MAFB: variants seen among roughly 807,000 people sequenced by gnomAD.
The protein encoded by MAFB is transcription factor MafB.
MAFB carries 3 observed loss-of-function variants against 17.7 expected under a neutral mutation model. The observed-to-expected ratio is 0.17, with a 90% confidence interval of 0.08 to 0.44. MAFB has a LOEUF of 0.44. Ranked by LOEUF, MAFB falls within the 20% of genes least tolerant of loss-of-function variation. MAFB has a pLI of 0.99. For synonymous variants in MAFB, 214 were observed against 211.5 expected, an observed-to-expected ratio of 1.01 and a Z score of -0.10; for missense variants, 355 against 461.3, an observed-to-expected ratio of 0.77 and a Z score of 2.11.
chr20:40,688,926 G>C lies in MAFB; in HGVS notation c.-76C>G, dbSNP rs1046996071. ...GCCGGAGCGCGCCGAGCCAAGCGCG[G>C]GGGGGAAGAGCGGAGAAGAGCTGGG... On this transcript the variant is annotated 5_prime_UTR_variant, in exon 1 of 1. Coordinates refer to ENST00000373313, the MANE Select transcript of MAFB (RefSeq NM_005461.5). The C allele has an allele frequency of 3.9e-5, 58 of 1,504,780 alleles. No individual in the cohort carries two copies. Among genetic ancestry groups the C allele is most frequent in the South Asian group, 5.3e-5 (4 of 74,954 alleles). 93.2% of individuals were successfully genotyped at this position (1,504,780 alleles called of 1,614,324 possible). A position where few individuals can be genotyped will look rare whatever the true frequency, so the allele number is the denominator to read the frequency against.
chr20:40,687,617 A>G lies in MAFB; in HGVS notation c.*262T>C. The G allele has an allele frequency of 1.7e-6, 1 of 578,394 alleles. No individual in the cohort carries two copies. The highest frequency in any genetic ancestry group is 2.8e-5 in the East Asian group (1 of 35,222). 35.8% of individuals were successfully genotyped at this position (578,394 alleles called of 1,614,324 possible). On this transcript the variant is annotated 3_prime_UTR_variant, in exon 1 of 1. Transcript: ENST00000373313. ...GAGAGAAGTTACTCCGGGACCTCCC[A>G]CCCTCTCGTCTCTCTCTCCGGCTCT...
In MAFB at chr20:40,687,924, C is replaced by A. The variant is rs775694411; in HGVS notation, c.927G>T (p.Ala309=). 2 of 1,613,104 alleles carry A rather than the reference C, an allele frequency of 1.2e-6. No individual in the cohort carries two copies. The highest frequency in any genetic ancestry group is 1.7e-6 in the Non-Finnish European group (2 of 1,180,036). ...EKLANSGFRE[A]GSTSDSPSSP... ...AGGAGGGGCTGTCGCTGGTGGAGCC[C>A]GCCTCCCTGAAGCCGGAGTTGGCGA... The change falls in exon 1 of 1, where the codon GCG becomes GCT. Residue 309 remains alanine, a synonymous_variant. Coordinates refer to ENST00000373313, the MANE Select transcript of MAFB (RefSeq NM_005461.5).
Position 40,686,943 on chromosome 20 carries a change from CTT to C in MAFB, c.*934_*935del. 1 of 379,050 alleles carries C rather than the reference CTT, an allele frequency of 2.6e-6. No homozygotes were observed. The highest frequency in any genetic ancestry group is 4.5e-6 in the Non-Finnish European group (1 of 224,458). The allele number at this position is 379,050 out of a possible 1,614,324, so 23.5% of individuals were successfully genotyped here. ...GTTTTCTGATGCAAAATGCCCGGAACTTTTTCTTTTTTTTTTTCTTTTTAACT... is the reference window on the plus strand; with the variant it reads ...GTTTTCTGATGCAAAATGCCCGGAACTTTCTTTTTTTTTTTCTTTTTAACT... On this transcript the variant is annotated 3_prime_UTR_variant, in exon 1 of 1. Coordinates refer to ENST00000373313, the MANE Select transcript of MAFB (RefSeq NM_005461.5).
At position 40,686,319 on chromosome 20, in the gene MAFB, A is replaced by G. The variant is rs181611900; in HGVS notation, c.*1560T>C. 3.4e-5 allele frequency: 8 copies of G among 237,978 alleles called. No individual in the cohort carries two copies. In the Admixed American group the frequency reaches 3.9e-4, roughly 12 times the overall value. 14.7% of individuals were successfully genotyped at this position (237,978 alleles called of 1,614,324 possible). On this transcript the variant is annotated 3_prime_UTR_variant, in exon 1 of 1. Transcript: ENST00000373313. ...AAAGTAATAATAAAGAAAAACACCC[A>G]TATCTTCCCTATAACTACTATACAA... is the stretch of plus-strand genomic sequence containing the variant.
In MAFB at chr20:40,688,309, T is replaced by A. The variant is rs776350709; in HGVS notation, c.542A>T (p.Gln181Leu). 111 of 1,518,878 alleles carry A rather than the reference T, an allele frequency of 7.3e-5. 2 individuals carry two copies. The South Asian group carries it at 1.3e-3, about 17-fold the overall frequency. The allele number at this position is 1,518,878 out of a possible 1,614,324, so 94.1% of individuals were successfully genotyped here. ...CCCGGGGTGGCTAGTGGGCAGCTGT[T>A]GCGCCGGGCTAGCGGCGCTGGACGG... ...PPPSSAASPAQQLPTSHPGPG... is the reference protein window; with the variant it reads ...PPPSSAASPALQLPTSHPGPG... Residue 181 changes from glutamine (Q) to leucine (L), a missense_variant, in exon 1 of 1, where the codon CAA becomes CTA. Physicochemically the swap from Gln to Leu is moderately radical, Grantham distance 113. Coordinates refer to ENST00000373313, the MANE Select transcript of MAFB (RefSeq NM_005461.5).
At position 40,686,501 on chromosome 20, in the gene MAFB, G is replaced by A. The variant is rs1444174452; in HGVS notation, c.*1378C>T. The A allele has an allele frequency of 6.9e-5, 27 of 393,278 alleles. No homozygotes were observed. In the East Asian group the frequency reaches 9.4e-4, roughly 14 times the overall value. The allele number at this position is 393,278 out of a possible 1,614,324, so 24.4% of individuals were successfully genotyped here. A position where few individuals can be genotyped will look rare whatever the true frequency, so the allele number is the denominator to read the frequency against. Reference sequence around the variant, plus strand: ...CTGGTACATTCTGAGCATAGCAGTTGGTTCAGTGCAGTGTCTGCTTACCAG... The same window carrying A: ...CTGGTACATTCTGAGCATAGCAGTTAGTTCAGTGCAGTGTCTGCTTACCAG... On this transcript the variant is annotated 3_prime_UTR_variant, in exon 1 of 1. Coordinates refer to ENST00000373313, the MANE Select transcript of MAFB (RefSeq NM_005461.5).
At position 40,688,245 on chromosome 20, in the gene MAFB, G is replaced by T. The variant is rs1168497598; in HGVS notation, c.606C>A (p.Gly202=). Residue 202 remains glycine (G), a synonymous_variant, in exon 1 of 1, where the codon GGC becomes GGA. Transcript: ENST00000373313. The part of the protein sequence containing the change: ...PHATASATAA[G]GNGSVEDRFS... Reference sequence around the variant, plus strand: ...AGCGGTCCTCCACGCTGCCGTTGCCGCCCGCCGCCGTCGCCGAGGCCGTCG... The same window carrying T: ...AGCGGTCCTCCACGCTGCCGTTGCCTCCCGCCGCCGTCGCCGAGGCCGTCG... 1.7e-5 allele frequency: 27 copies of T among 1,555,466 alleles called. No homozygotes were observed. Among genetic ancestry groups the T allele is most frequent in the Non-Finnish European group, 2.2e-5 (26 of 1,157,682 alleles).
At position 40,688,770 on chromosome 20, in the gene MAFB, G is replaced by C. The variant is rs766706300; in HGVS notation, c.81C>G (p.Leu27=). 9.9e-6 allele frequency: 16 copies of C among 1,613,794 alleles called. 1 individual carries two copies. In the East Asian group the frequency reaches 1.3e-4, roughly 13 times the overall value. ...GTGGCTCCTTCTTCACGTCGAACTTGAGCAGGTCGAAGTCGTTGACATACT... is the reference window on the plus strand; with the variant it reads ...GTGGCTCCTTCTTCACGTCGAACTTCAGCAGGTCGAAGTCGTTGACATACT... ...AMEYVNDFDL[L]KFDVKKEPLG... Residue 27 remains leucine, a synonymous_variant, in exon 1 of 1, where the codon CTC becomes CTG. Transcript: ENST00000373313.
chr20:40,688,855 G>C lies in MAFB; in HGVS notation c.-5C>G, dbSNP rs202157976. 4.2e-5 allele frequency: 67 copies of C among 1,584,356 alleles called. No individual in the cohort carries two copies. In the African/African-American group the frequency reaches 7.7e-4, roughly 18 times the overall value. On this transcript the variant is annotated 5_prime_UTR_variant, in exon 1 of 1. Transcript: ENST00000373313. Reference sequence around the variant, plus strand: ...CATGCTCAGCTCCGCGGCCATCGCTGAAGCGAGGCGCAGCCGCCGCTGCCG... The same window carrying C: ...CATGCTCAGCTCCGCGGCCATCGCTCAAGCGAGGCGCAGCCGCCGCTGCCG...
In MAFB at chr20:40,688,045, T is replaced by C. The variant is rs2123043196; in HGVS notation, c.806A>G (p.Glu269Gly). 1 of 1,614,174 alleles carries C rather than the reference T, an allele frequency of 6.2e-7. No homozygotes were observed. Among genetic ancestry groups the C allele is most frequent in the Admixed American group, 1.7e-5 (1 of 60,036 alleles). ...CACCTGCTGAATGAGCTGCGTCTTC[T>C]CATTCTCCAGGTGGTGCTTCTGCTG... ...RVQQKHHLEN[E>G]KTQLIQQVEQ... Residue 269 changes from glutamate to glycine, a missense_variant, in exon 1 of 1, where the codon GAG becomes GGG. This residue lies in a region of MAFB where 7 missense variants were observed against 41.9 expected (regional missense o/e 0.17). Transcript: ENST00000373313.
In MAFB at chr20:40,688,928, G is replaced by C; in HGVS notation, c.-78C>G. The C allele has an allele frequency of 1.3e-6, 2 of 1,500,836 alleles. No individual in the cohort carries two copies. The highest frequency in any genetic ancestry group is 2.3e-5 in the Admixed American group (1 of 43,350). The allele number at this position is 1,500,836 out of a possible 1,614,324, so 93.0% of individuals were successfully genotyped here. A position where few individuals can be genotyped will look rare whatever the true frequency, so the allele number is the denominator to read the frequency against. ...CGGAGCGCGCCGAGCCAAGCGCGGG[G>C]GGGAAGAGCGGAGAAGAGCTGGGGA... On this transcript the variant is annotated 5_prime_UTR_variant, in exon 1 of 1. Coordinates refer to ENST00000373313, the MANE Select transcript of MAFB (RefSeq NM_005461.5).
rs886056673 is a variant in MAFB at position 40,687,815 on chromosome 20, G to A, written c.*64C>T. On this transcript the variant is annotated 3_prime_UTR_variant, in exon 1 of 1. Coordinates refer to ENST00000373313, the MANE Select transcript of MAFB (RefSeq NM_005461.5). The stretch of plus-strand genomic sequence containing the variant: ...AGGGACAGGGTCCGGGGTAGTCTGG[G>A]ACTAGGGACGTGGGACAGGGAGTCC... The A allele has an allele frequency of 1.3e-6, 2 of 1,551,676 alleles. No homozygotes were observed. The highest frequency in any genetic ancestry group is 2.3e-5 in the East Asian group (1 of 44,134).
In MAFB at chr20:40,688,699, G is replaced by A. The variant is rs1986901644; in HGVS notation, c.152C>T (p.Pro51Leu). ...CGGTGTGGAGGACACCGAGCCGGCT[G>A]GCTGCAGGCGTGTGCAGGGCCTGCC... ...RPGRPCTRLQPAGSVSSTPLS... is the reference protein window; with the variant it reads ...RPGRPCTRLQLAGSVSSTPLS... The change falls in exon 1 of 1, where the codon CCA becomes CTA. Residue 51 changes from proline to leucine, a missense_variant. Around this residue, in one of 3 missense-constraint regions of MAFB, gnomAD observed 285 missense variants for 350.0 expected, o/e 0.81. Transcript: ENST00000373313. 4 of 1,613,806 alleles carry A rather than the reference G, an allele frequency of 2.5e-6. No individual in the cohort carries two copies. The highest frequency in any genetic ancestry group is 3.4e-6 in the Non-Finnish European group (4 of 1,179,928).
chr20:40,687,704 CGCCCGCGCACCCGCCCGTCGCCCGCG>C lies in MAFB; in HGVS notation c.*149_*174del. 1.3e-6 allele frequency: 1 copy of C among 783,038 alleles called. No individual in the cohort carries two copies. Among genetic ancestry groups the C allele is most frequent in the Non-Finnish European group, 2.0e-6 (1 of 503,870 alleles). The allele number at this position is 783,038 out of a possible 1,614,324, so 48.5% of individuals were successfully genotyped here. A position where few individuals can be genotyped will look rare whatever the true frequency, so the allele number is the denominator to read the frequency against. On this transcript the variant is annotated 3_prime_UTR_variant, in exon 1 of 1. Transcript: ENST00000373313. ...CTCGCCTTAGCCAAGGTCCCCTGCC[CGCCCGCGCACCCGCCCGTCGCCCGCG>C]GCCCGCGCGCCCTTCCTCCCTCTCG...
chr20:40,686,390 A>G lies in MAFB; in HGVS notation c.*1489T>C, dbSNP rs1358239466. 1.8e-5 allele frequency: 5 copies of G among 280,050 alleles called. No individual in the cohort carries two copies. The highest frequency in any genetic ancestry group is 3.3e-5 in the Non-Finnish European group (5 of 150,992). 17.3% of individuals were successfully genotyped at this position (280,050 alleles called of 1,614,324 possible). A position where few individuals can be genotyped will look rare whatever the true frequency, so the allele number is the denominator to read the frequency against. ...GACACCACCAAGAACTCTTCCTACT[A>G]TCTCAAAAGCAGGGAAAGAAACGCA... On this transcript the variant is annotated 3_prime_UTR_variant, in exon 1 of 1. Transcript: ENST00000373313.
rs1040901948 is a variant in MAFB at position 40,687,284 on chromosome 20, G to A, written c.*595C>T. 5.0e-6 allele frequency: 2 copies of A among 398,174 alleles called. No homozygotes were observed. Among genetic ancestry groups the A allele is most frequent in the Non-Finnish European group, 8.8e-6 (2 of 226,214 alleles). 24.7% of individuals were successfully genotyped at this position (398,174 alleles called of 1,614,324 possible). A position where few individuals can be genotyped will look rare whatever the true frequency, so the allele number is the denominator to read the frequency against. ...TGTATTTTTCTATATAATCGAGCAG[G>A]CAATAAAACTGATGAGATTTGGGCG... is the stretch of plus-strand genomic sequence containing the variant. On this transcript the variant is annotated 3_prime_UTR_variant, in exon 1 of 1. Transcript: ENST00000373313.
Position 40,686,779 on chromosome 20 carries a change from C to G in MAFB, c.*1100G>C. 1 of 398,670 alleles carries G rather than the reference C, an allele frequency of 2.5e-6. No homozygotes were observed. Among genetic ancestry groups the G allele is most frequent in the Non-Finnish European group, 4.4e-6 (1 of 226,094 alleles). 24.7% of individuals were successfully genotyped at this position (398,670 alleles called of 1,614,324 possible). ...GGCAGCTTCCCTGCCCTGCCCTGCC[C>G]TTGTACTGGGACCTCTCGGTTCTCT... On this transcript the variant is annotated 3_prime_UTR_variant, in exon 1 of 1. Coordinates refer to ENST00000373313, the MANE Select transcript of MAFB (RefSeq NM_005461.5).
rs1464718402 is a variant in MAFB at position 40,685,878 on chromosome 20, T to C, written c.*2001A>G. On this transcript the variant is annotated 3_prime_UTR_variant, in exon 1 of 1. Transcript: ENST00000373313. ...TAAATAAACACCATTTCCATGGTTTTAATAAGCAAAATAGGAAACCATTTT... is the reference window on the plus strand; with the variant it reads ...TAAATAAACACCATTTCCATGGTTTCAATAAGCAAAATAGGAAACCATTTT... 5.5e-6 allele frequency: 1 copy of C among 180,830 alleles called. No homozygotes were observed. The highest frequency in any genetic ancestry group is 6.3e-5 in the Admixed American group (1 of 15,928). The allele number at this position is 180,830 out of a possible 1,614,324, so 11.2% of individuals were successfully genotyped here.
At position 40,686,971 on chromosome 20, in the gene MAFB, T is replaced by TACAAACAAAAATACCGTAATAATAAAC. The variant is rs1986843900; in HGVS notation, c.*881_*907dup. 7.5e-6 allele frequency: 3 copies of TACAAACAAAAATACCGTAATAATAAAC among 398,630 alleles called. No homozygotes were observed. The highest frequency in any genetic ancestry group is 1.3e-5 in the Non-Finnish European group (3 of 225,992). The allele number at this position is 398,630 out of a possible 1,614,324, so 24.7% of individuals were successfully genotyped here. Reference sequence around the variant, plus strand: ...TTTCTTTTTTTTTTTCTTTTTAACTTACAAACAAAAATACCGTAATAATAA... The same window carrying TACAAACAAAAATACCGTAATAATAAAC: ...TTTCTTTTTTTTTTTCTTTTTAACTTACAAACAAAAATACCGTAATAATAAACACAAACAAAAATACCGTAATAATAA... On this transcript the variant is annotated 3_prime_UTR_variant, in exon 1 of 1. Coordinates refer to ENST00000373313, the MANE Select transcript of MAFB (RefSeq NM_005461.5).
Sources: gnomAD v4.1 joint callset for allele counts on GRCh38, gnomAD v4.1.1 for gene constraint, gnomAD v4.1.1 regional missense constraint, MANE v1.5 for transcripts, NCBI Gene and HGNC (gene_info 2026-07-23, HGNC 2026-07-21) for gene names.